ZNF331: variants seen among roughly 807,000 people sequenced by gnomAD.
ZNF331 encodes C2H2-like zinc finger protein rearranged in thyroid adenomas.
In ZNF331, 2 loss-of-function variants were observed where a neutral mutation model predicts 7.0. The observed-to-expected ratio is 0.29, with a 90% CI of 0.12 to 0.90. The LOEUF is 0.90. Ranked by LOEUF, ZNF331 falls within the 40% of genes least tolerant of loss-of-function variation. The probability of loss-of-function intolerance (pLI) is 0.58; values close to 1 mark genes in which losing one functional copy is unlikely to be tolerated. For synonymous variants in ZNF331, 196 were observed against 205.4 expected (o/e 0.95, Z 0.39); for missense variants, 432 against 587.7 (o/e 0.74, Z 2.74).
upstream of ZNF331, chr19:53,520,905 C>T (rs1175447959): frequency 6.6e-6 from 1 of 151,534 alleles, no homozygotes; most frequent in Non-Finnish European, 1.5e-5. Context: ...TTCCCAGAGG[C>T]CTCTGGGTCA....
the ZNF331 span, among the ~76,000 whole-genome samples, chr19:53,506,349 A>AG: frequency 4.0e-5 from 6 of 149,870 alleles, no homozygotes; most frequent in African/African-American, 1.2e-4. Flanking sequence ...AAAAAAAAAA[A>AG]AAAGAAAAGA....
At chr19:53,506,068 G>T in the ZNF331 span, among the ~76,000 whole-genome samples, 98 of 151,554 alleles carry the variant, frequency 6.5e-4, no homozygotes, top group African/African-American at 2.3e-3. Flanking sequence ...GGGTGCAGTG[G>T]CTAGTGCCTG....
At chr19:53,549,376 C>T (rs2088835767) in intron 2 of ZNF331, among the ~76,000 whole-genome samples, 2 of 152,044 alleles carry the variant, frequency 1.3e-5, no homozygotes, top group South Asian at 2.1e-4. Context: ...CAAAGAAAGA[C>T]GGTTTACTGT....
intron 2 of ZNF331, among the ~76,000 whole-genome samples, chr19:53,526,755 T>C (rs2087312331): frequency 6.7e-6 from 1 of 148,778 alleles, no homozygotes; most frequent in African/African-American, 2.5e-5. Flanking sequence ...GGTTTCACCA[T>C]ATTAGCCAGG....
At position 53,560,849 on chromosome 19, in the gene ZNF331, G is replaced by A. The variant is rs963749852; in HGVS notation, c.-74+4941G>A. Among the ~76,000 whole-genome samples the A allele has an allele frequency of 3.3e-5, 5 of 152,124 alleles. No homozygotes were observed. Among genetic ancestry groups the A allele is most frequent in the Admixed American group, 2.6e-4 (4 of 15,254 alleles). ...CTTCTATAACTCAAGAGAATCTTCC[G>A]TATGTTAGAGGCAGCCGATTAGCCA... is the stretch of plus-strand genomic sequence containing the variant. On this transcript the variant is annotated intron_variant, in intron 3 of 5. Coordinates refer to ENST00000449416, the MANE Select transcript of ZNF331 (RefSeq NM_001079906.2). The surrounding 1 kb of genome is among the most constrained non-coding windows in gnomAD (Gnocchi z 4.3).
In ZNF331 at chr19:53,577,888, A is replaced by T; in HGVS notation, c.1328A>T (p.Glu443Val). 1 of 1,613,884 alleles carries T rather than the reference A, an allele frequency of 6.2e-7. No individual in the cohort carries two copies. The highest frequency in any genetic ancestry group is 8.5e-7 in the Non-Finnish European group (1 of 1,180,040). The stretch of plus-strand genomic sequence containing the variant: ...GGGGCGAAATCCTACGAATGTAAGG[A>T]GTGCGGGAAGGCATGTAACCACCTA... Reference protein sequence around the residue: ...HSGAKSYECKECGKACNHLNH... With the variant: ...HSGAKSYECKVCGKACNHLNH... Residue 443 changes from glutamate to valine, a missense_variant, in exon 6 of 6, where the codon GAG (glutamate) becomes GTG (valine). By Grantham distance (121) the Glu-to-Val change is moderately radical. Around this residue, in one of 3 missense-constraint regions of ZNF331, gnomAD observed 312 missense variants for 448.6 expected, o/e 0.70. Coordinates refer to ENST00000449416, the MANE Select transcript of ZNF331 (RefSeq NM_001079906.2).
At position 53,573,458 on chromosome 19, in the gene ZNF331, ATTTC is replaced by A. The variant is rs2090560819; in HGVS notation, c.136+1732_136+1735del. ...TGAACCCGGGAGGTAGAGGTATAGC[ATTTC>A]TTTTTTTTTTTAAGTTGAGATTTTT... is the stretch of plus-strand genomic sequence containing the variant. On this transcript the variant is annotated intron_variant, in intron 5 of 5. Transcript: ENST00000449416. The surrounding 1 kb of genome is among the most constrained non-coding windows in gnomAD (Gnocchi z 4.2). Among the ~76,000 whole-genome samples, 1 of 150,830 alleles carries A rather than the reference ATTTC, an allele frequency of 6.6e-6. No individual in the cohort carries two copies. Among genetic ancestry groups the A allele is most frequent in the African/African-American group, 2.4e-5 (1 of 41,056 alleles).
At chr19:53,510,297 C>T in the ZNF331 span, among the ~76,000 whole-genome samples, 1 of 152,044 alleles carries the variant, frequency 6.6e-6, no homozygotes, top group African/African-American at 2.4e-5. Context: ...ACTTTCAGTT[C>T]GAGTGATGGT....
upstream of ZNF331, among the ~76,000 whole-genome samples, chr19:53,514,574 C>T (rs1463293602): frequency 1.3e-5 from 2 of 152,014 alleles, no homozygotes; most frequent in African/African-American, 4.8e-5. Flanking sequence ...CCTTCAATGA[C>T]GTCCAATGTC....
chr19:53,555,283 A>T (rs1339849779), intron 2 of ZNF331: 1 of 126,050 alleles, frequency 7.9e-6, no homozygotes, highest in East Asian at 2.7e-4. Context: ...GTGACAGCAC[A>T]ACCTGTAGTT....
chr19:53,552,764 T>G (rs547587556), intron 2 of ZNF331, among the ~76,000 whole-genome samples: 8 of 152,280 alleles, frequency 5.3e-5, no homozygotes, highest in Middle Eastern at 3.4e-3. Context: ...TGAGTTTCTT[T>G]TTTAAAACTG....
chr19:53,511,924 G>C, the ZNF331 span: 11,372 of 152,256 alleles, frequency 0.075, 550 homozygotes, highest in Non-Finnish European at 0.11. Context: ...ACCATTCTGA[G>C]TATATCGTTC....
intron 2 of ZNF331, among the ~76,000 whole-genome samples, chr19:53,550,394 T>C (rs556355551): frequency 1.3e-4 from 20 of 152,350 alleles, no homozygotes; most frequent in African/African-American, 3.8e-4. Flanking sequence ...ATGTTTGCTT[T>C]ATGTATTTAA....
intron 2 of ZNF331, among the ~76,000 whole-genome samples, chr19:53,542,903 G>T (rs1444570424): frequency 4.6e-5 from 7 of 152,136 alleles, no homozygotes; most frequent in African/African-American, 1.4e-4. Context: ...TCTGCCTCCC[G>T]GGTTCAAGCG....
At chr19:53,517,640 A>G (rs898488215), upstream of ZNF331, among the ~76,000 whole-genome samples, 1 of 152,186 alleles carries the variant, frequency 6.6e-6, no homozygotes, top group African/African-American at 2.4e-5. Flanking sequence ...GATTTGGTTT[A>G]TCTCTGATTT....
At chr19:53,508,156 C>T in the ZNF331 span, among the ~76,000 whole-genome samples, 3 of 152,116 alleles carry the variant, frequency 2.0e-5, no homozygotes, top group African/African-American at 7.2e-5. Flanking sequence ...CTGGACAGAG[C>T]CTGAATCTGT....
At chr19:53,559,339 C>G (rs1207060120) in intron 3 of ZNF331, among the ~76,000 whole-genome samples, 1 of 150,322 alleles carries the variant, frequency 6.7e-6, no homozygotes. Flanking sequence ...TAGAGACACA[C>G]ACATATACAC....
chr19:53,532,912 G>A (rs117819270), intron 2 of ZNF331, among the ~76,000 whole-genome samples: 1,924 of 151,482 alleles, frequency 0.013, 18 homozygotes, highest in Non-Finnish European at 0.019. Context: ...TCCCTTTTTT[G>A]TCTTTGAAAG....
chr19:53,553,739 G>A (rs1264684186), intron 2 of ZNF331, among the ~76,000 whole-genome samples: 2 of 152,146 alleles, frequency 1.3e-5, no homozygotes, highest in Non-Finnish European at 2.9e-5. Context: ...ATAGCACCTC[G>A]GGCAGCCTGT....
Sources: gnomAD v4.1 joint callset for allele counts (sites outside exome capture counted in the v4.1 genomes callset) on GRCh38, gnomAD v4.1.1 for gene constraint, gnomAD v4.1.1 regional missense constraint, Gnocchi (gnomAD v3.1) non-coding constraint, MANE v1.5 for transcripts, NCBI Gene and HGNC (gene_info 2026-07-23, HGNC 2026-07-21) for gene names.